Variants in CTNNA3 observed in about 807,000 individuals in gnomAD.
The protein encoded by CTNNA3 is catenin alpha-3.
Under a neutral mutation model 95.7 loss-of-function variants are expected in CTNNA3, and 76 were observed. The observed-to-expected ratio is 0.79, with a 90% confidence interval of 0.66 to 0.96. The LOEUF is 0.96. Among genes scored for constraint, CTNNA3 ranks in the 40% least tolerant of loss-of-function variants. The pLI is 0.00. For synonymous variants in CTNNA3, 431 were observed against 374.4 expected (o/e 1.15, Z -1.74); for missense variants, 1,191 against 1,089.8 (o/e 1.09, Z -1.31).
At chr10:66,536,892 C>T (rs754635699) in intron 10 of CTNNA3, among the ~76,000 whole-genome samples, 10 of 152,050 alleles carry the variant, frequency 6.6e-5, no homozygotes, top group South Asian at 2.1e-4. Context: ...TATTATACAA[C>T]TGGGTATATA....
At chr10:65,991,220 G>T (rs950258922) in intron 15 of CTNNA3, among the ~76,000 whole-genome samples, 1 of 151,938 alleles carries the variant, frequency 6.6e-6, no homozygotes, top group Non-Finnish European at 1.5e-5. Context: ...CTTTTCCTCA[G>T]TATTGCTTTG....
intron 5 of CTNNA3, among the ~76,000 whole-genome samples, chr10:67,386,540 T>C (rs1844173265): frequency 6.6e-6 from 1 of 152,118 alleles, no homozygotes; most frequent in African/African-American, 2.4e-5. Flanking sequence ...TTGAAAGCCT[T>C]CATTAAACAT....
At chr10:67,695,006 T>A (rs563134002) in intron 1 of CTNNA3, among the ~76,000 whole-genome samples, 1 of 152,324 alleles carries the variant, frequency 6.6e-6, no homozygotes, top group East Asian at 1.9e-4. Flanking sequence ...GATAATTTTT[T>A]ATAATGGACA....
intron 12 of CTNNA3, among the ~76,000 whole-genome samples, chr10:66,354,964 G>C (rs2092597645): frequency 6.6e-6 from 1 of 152,012 alleles, no homozygotes; most frequent in Non-Finnish European, 1.5e-5. Context: ...GTCTTAACTT[G>C]GAATTACCAG....
intron 13 of CTNNA3, among the ~76,000 whole-genome samples, chr10:66,199,805 A>T (rs12251327): frequency 0.079 from 1,111 of 14,050 alleles, 56 homozygotes; most frequent in African/African-American, 0.11. Flanking sequence ...ATATATATAT[A>T]TTTTTTTTTT....
intron 17 of CTNNA3, among the ~76,000 whole-genome samples, chr10:65,948,296 A>G (rs2924311): frequency 0.21 from 30,032 of 139,970 alleles, 4,088 homozygotes; most frequent in East Asian, 0.38. Context: ...AAAAAAAAAA[A>G]AAAGAAAGAA....
intron 11 of CTNNA3, among the ~76,000 whole-genome samples, chr10:66,468,894 C>T (rs181964174): frequency 6.6e-6 from 1 of 151,748 alleles, no homozygotes; most frequent in Non-Finnish European, 1.5e-5. Flanking sequence ...AAATCTACCA[C>T]AATTTAATCT....
intron 7 of CTNNA3, among the ~76,000 whole-genome samples, chr10:66,929,385 C>T (rs1847245908): frequency 6.6e-6 from 1 of 152,108 alleles, no homozygotes; most frequent in East Asian, 1.9e-4. Context: ...CCAGTTTTTT[C>T]GAAGACCCTA....
chr10:67,144,646 G>T (rs1041861047), intron 7 of CTNNA3, among the ~76,000 whole-genome samples: 1 of 152,086 alleles, frequency 6.6e-6, no homozygotes, highest in Non-Finnish European at 1.5e-5. Flanking sequence ...GACTTTTCTT[G>T]GGCAGCTTCC....
At chr10:67,030,929 G>A (rs187184089) in intron 7 of CTNNA3, among the ~76,000 whole-genome samples, 185 of 152,230 alleles carry the variant, frequency 1.2e-3, no homozygotes, top group African/African-American at 4.1e-3. Context: ...GCTTGAACCC[G>A]AGAGGTGGAG....
rs548032373 is a variant in CTNNA3, at chr10:66,028,934, A to G, written c.2160-40137T>C. On this transcript the variant is annotated intron_variant, in intron 15 of 17. Transcript: ENST00000433211. Reference sequence around the variant, plus strand: ...AAAACAAACAGTGAAAGAACAACAAAAAATGAAACTAAAAGGTACTTTCAG... The same window carrying G: ...AAAACAAACAGTGAAAGAACAACAAGAAATGAAACTAAAAGGTACTTTCAG... Among the ~76,000 whole-genome samples, 3 of 152,302 alleles carry G rather than the reference A, an allele frequency of 2.0e-5. No homozygotes were observed. In the East Asian group the frequency reaches 5.8e-4, roughly 29 times the overall value.
At chr10:66,885,363 A>G (rs1845004916) in intron 7 of CTNNA3, among the ~76,000 whole-genome samples, 2 of 152,152 alleles carry the variant, frequency 1.3e-5, no homozygotes, top group South Asian at 4.1e-4. Flanking sequence ...GTTATATGTA[A>G]TATCCCTTTG....
At position 66,360,801 on chromosome 10, in the gene CTNNA3, C is replaced by CT. The variant is rs1450213836; in HGVS notation, c.1732+18350dup. ...TCTTTCTTTCTTCCTTCCTTCCTTC[C>CT]TTCCTTCCTTCCTTCCTTTCTTTCT... On this transcript the variant is annotated intron_variant, in intron 12 of 17. Transcript: ENST00000433211. 1.5e-3 allele frequency among the ~76,000 whole-genome samples: 106 copies of CT among 70,632 alleles called. 9 individuals carry two copies. Among genetic ancestry groups the CT allele is most frequent in the Non-Finnish European group, 1.8e-3 (69 of 38,894 alleles). The allele number at this position is 70,632 out of a possible 152,430, so 46.3% of individuals were successfully genotyped here.
intron 1 of CTNNA3, among the ~76,000 whole-genome samples, chr10:67,737,766 A>C (rs1841310817): frequency 6.6e-6 from 1 of 152,188 alleles, no homozygotes; most frequent in Non-Finnish European, 1.5e-5. Context: ...CAGGTGCTGG[A>C]GAGGATGTGG....
chr10:66,413,145 GTAGT>G (rs1287360698), intron 11 of CTNNA3, among the ~76,000 whole-genome samples: 1 of 152,058 alleles, frequency 6.6e-6, no homozygotes. Context: ...ACAGTTTTAT[GTAGT>G]TAGCACAAGT....
At chr10:66,926,439 C>T in intron 7 of CTNNA3, 2 of 782,342 alleles carry the variant, frequency 2.6e-6, no homozygotes, top group Non-Finnish European at 2.2e-6. Context: ...GTTCCAAAAT[C>T]GGTCCATCTC....
chr10:66,060,112 TG>T (rs2080164586), intron 15 of CTNNA3, among the ~76,000 whole-genome samples: 1 of 152,044 alleles, frequency 6.6e-6, no homozygotes, highest in African/African-American at 2.4e-5. Context: ...ATTAAATATC[TG>T]GAAGTTATAC....
intron 2 of CTNNA3, among the ~76,000 whole-genome samples, chr10:67,644,504 AC>A (rs202206717): frequency 6.6e-6 from 1 of 151,772 alleles, no homozygotes; most frequent in African/African-American, 2.4e-5. Context: ...AGAAAAAAAA[AC>A]CTTTAATATA....
chr10:66,735,600 G>T (rs761700993), intron 9 of CTNNA3, among the ~76,000 whole-genome samples: 4 of 151,640 alleles, frequency 2.6e-5, no homozygotes, highest in South Asian at 2.1e-4. Flanking sequence ...TTCACTATGG[G>T]TCAGTCTTGT....
Sources: allele counts gnomAD v4.1 joint callset (sites outside exome capture counted in the v4.1 genomes callset), GRCh38; gene constraint gnomAD v4.1.1; transcripts MANE v1.5; gene names NCBI Gene and HGNC (gene_info 2026-07-23, HGNC 2026-07-21).